NELL2: variants seen among roughly 807,000 people sequenced by gnomAD.
NELL2 encodes the protein protein kinase C-binding protein NELL2.
A neutral mutation model predicts 109.6 loss-of-function variants in NELL2; 41 were observed. That is an observed-to-expected ratio of 0.37 (90% confidence interval 0.29 to 0.49). The LOEUF (loss-of-function observed/expected upper bound fraction) is 0.49. NELL2 is among the 20% of genes least tolerant of loss of function. The pLI is 0.98. For synonymous variants in NELL2, 355 were observed against 344.7 expected (o/e 1.03, Z -0.33); for missense variants, 900 against 1,008.3 (o/e 0.89, Z 1.45).
chr12:44,835,316 T>C (rs1360933181), intron 2 of NELL2, among the ~76,000 whole-genome samples: 1 of 152,184 alleles, frequency 6.6e-6, no homozygotes, highest in African/African-American at 2.4e-5. Flanking sequence ...TTCAGTGGCT[T>C]CTGGGGGGAA....
chr12:44,790,568 G>T (rs181940847), intron 3 of NELL2, among the ~76,000 whole-genome samples: 2 of 150,764 alleles, frequency 1.3e-5, no homozygotes, highest in Non-Finnish European at 3.0e-5. Flanking sequence ...AAAATACAAC[G>T]TAAAAAGCAA....
intron 2 of NELL2, among the ~76,000 whole-genome samples, chr12:44,824,601 T>C (rs1340814972): frequency 6.6e-6 from 1 of 152,104 alleles, no homozygotes; most frequent in Admixed American, 6.5e-5. Context: ...TTCTGTTTCA[T>C]TGGTCTACAT....
chr12:44,594,869 A>G (rs1180640705), intron 15 of NELL2, among the ~76,000 whole-genome samples: 2 of 149,966 alleles, frequency 1.3e-5, no homozygotes, highest in African/African-American at 5.1e-5. Flanking sequence ...TACCAGTGTA[A>G]AAGAGATTCA....
In NELL2 at chr12:44,777,160, T is replaced by C. The variant is rs562801121; in HGVS notation, c.680-36A>G. The C allele has an allele frequency of 2.0e-4, 321 of 1,611,594 alleles. 1 individual carries two copies. In the Admixed American group the frequency reaches 5.2e-3, roughly 26 times the overall value. Reference sequence around the variant, plus strand: ...AAACACTACATTTGGTCAAGATGCATTTATAAGGGGTTCAATCTGGTTAAG... The same window carrying C: ...AAACACTACATTTGGTCAAGATGCACTTATAAGGGGTTCAATCTGGTTAAG... On this transcript the variant is annotated intron_variant, in intron 6 of 19. Coordinates refer to ENST00000429094, the MANE Select transcript of NELL2 (RefSeq NM_001145108.2).
intron 13 of NELL2, among the ~76,000 whole-genome samples, chr12:44,655,425 C>A (rs924113518): frequency 6.6e-6 from 1 of 152,206 alleles, no homozygotes; most frequent in Non-Finnish European, 1.5e-5. Context: ...GCACAGACTC[C>A]TTTCCAAGCT....
At chr12:44,511,763 G>T (rs777003900) in intron 19 of NELL2, among the ~76,000 whole-genome samples, 6 of 152,086 alleles carry the variant, frequency 3.9e-5, no homozygotes, top group Non-Finnish European at 4.4e-5. Context: ...AGATATAAAG[G>T]ATTGATAAAC....
intron 2 of NELL2, among the ~76,000 whole-genome samples, chr12:44,871,077 C>G (rs1945148174): frequency 6.6e-6 from 1 of 152,108 alleles, no homozygotes. Context: ...CTCAAATGCA[C>G]ATTCATCCCA....
chr12:44,528,528 A>G (rs576273972), intron 16 of NELL2, among the ~76,000 whole-genome samples: 8 of 152,334 alleles, frequency 5.3e-5, no homozygotes, highest in Admixed American at 2.0e-4. Context: ...TGCATTTCTA[A>G]TGAAGAGATT....
At chr12:44,882,737 A>G (rs1945428994) in intron 1 of NELL2, among the ~76,000 whole-genome samples, 1 of 151,250 alleles carries the variant, frequency 6.6e-6, no homozygotes. Flanking sequence ...CATGTTGGCC[A>G]GGCTGGTCTC....
intron 18 of NELL2, 83 bp downstream of exon 18, chr12:44,521,917 T>C: frequency 7.2e-7 from 1 of 1,393,106 alleles, no homozygotes; most frequent in East Asian, 2.3e-5. Flanking sequence ...GTGCTAGGTA[T>C]TGGCAGATGG....
At chr12:44,548,262 T>C (rs1347498589) in intron 15 of NELL2, among the ~76,000 whole-genome samples, 1 of 152,164 alleles carries the variant, frequency 6.6e-6, no homozygotes, top group Non-Finnish European at 1.5e-5. Flanking sequence ...CAAAGGAAAT[T>C]ATTATGTAGT....
At chr12:44,655,504 A>C (rs1046282470) in intron 13 of NELL2, among the ~76,000 whole-genome samples, 1 of 152,226 alleles carries the variant, frequency 6.6e-6, no homozygotes, top group African/African-American at 2.4e-5. Flanking sequence ...GCTGACTGCT[A>C]ATTGTATGCA....
chr12:44,849,280 A>G (rs577761352), intron 2 of NELL2, among the ~76,000 whole-genome samples: 2 of 152,328 alleles, frequency 1.3e-5, no homozygotes, highest in South Asian at 2.1e-4. Context: ...AATATCCACA[A>G]AATAAACATC....
intron 12 of NELL2, among the ~76,000 whole-genome samples, chr12:44,688,182 A>C (rs1227123018): frequency 6.6e-6 from 1 of 152,208 alleles, no homozygotes; most frequent in African/African-American, 2.4e-5. Flanking sequence ...TCAGACCAGA[A>C]AAGAACTTGG....
In NELL2 at chr12:44,752,561, A is replaced by G. The variant is rs75028156; in HGVS notation, c.994+22186T>C. Among the ~76,000 whole-genome samples, 1,494 of 152,306 alleles carry G rather than the reference A, an allele frequency of 9.8e-3. 25 individuals are homozygous for G. Among genetic ancestry groups the G allele is most frequent in the African/African-American group, 0.033 (1,373 of 41,562 alleles). On this transcript the variant is annotated intron_variant, in intron 9 of 19. Coordinates refer to ENST00000429094, the MANE Select transcript of NELL2 (RefSeq NM_001145108.2). ...CACCTCACTACAGCTTTTGCTTCCA[A>G]ATACCTGGAATGACATTCTTAGGAG...
chr12:44,510,058 A>G (rs1940924802), intron 19 of NELL2, among the ~76,000 whole-genome samples: 2 of 152,192 alleles, frequency 1.3e-5, no homozygotes, highest in South Asian at 4.1e-4. Flanking sequence ...TAAGGTATCA[A>G]AACAATATAG....
At chr12:44,655,555 T>G (rs1286319846) in intron 13 of NELL2, among the ~76,000 whole-genome samples, 2 of 152,232 alleles carry the variant, frequency 1.3e-5, no homozygotes, top group African/African-American at 4.8e-5. Context: ...CACATTGCCT[T>G]GGCCTCCTCA....
At chr12:44,634,315 C>T (rs1946559345) in intron 13 of NELL2, among the ~76,000 whole-genome samples, 2 of 151,952 alleles carry the variant, frequency 1.3e-5, no homozygotes, top group African/African-American at 4.8e-5. Flanking sequence ...AATGCTATCC[C>T]TTCCCCAGCC....
upstream of NELL2, among the ~76,000 whole-genome samples, chr12:44,918,521 G>A (rs1030404116): frequency 2.7e-4 from 32 of 118,600 alleles, 1 homozygote; most frequent in Non-Finnish European, 3.8e-4. Flanking sequence ...GCATGTATGT[G>A]TGTGTGTGTG....
Sources: gnomAD v4.1 joint callset for allele counts (sites outside exome capture counted in the v4.1 genomes callset) on GRCh38, gnomAD v4.1.1 for gene constraint, MANE v1.5 for transcripts, NCBI Gene and HGNC (gene_info 2026-07-23, HGNC 2026-07-21) for gene names.